Variants in CTCF observed in about 807,000 individuals in gnomAD.
The protein encoded by CTCF is CCCTC-binding factor, also known as transcriptional repressor CTCF.
CTCF carries 7 observed loss-of-function variants against 72.3 expected under a neutral mutation model. That is an observed-to-expected ratio of 0.10 (90% CI 0.06 to 0.18). The LOEUF (loss-of-function observed/expected upper bound fraction) is 0.18, where lower values mean the gene tolerates loss of function less well. Ranked by LOEUF, CTCF falls within the 10% of genes least tolerant of loss-of-function variation. The pLI is 1.00. For synonymous variants in CTCF, 374 were observed against 315.8 expected, an observed-to-expected ratio of 1.18 and a Z score of -1.95; for missense variants, 516 against 949.1, an observed-to-expected ratio of 0.54 and a Z score of 6.00.
At chr16:67,566,770 G>A (rs750284458) in intron 1 of CTCF, among the ~76,000 whole-genome samples, 3 of 151,892 alleles carry the variant, frequency 2.0e-5, no homozygotes, top group Non-Finnish European at 4.4e-5. Context: ...TAGTAGAGAC[G>A]GGGTTTCACC....
chr16:67,620,061 G>C (rs1421035061), intron 5 of CTCF, among the ~76,000 whole-genome samples: 1 of 152,174 alleles, frequency 6.6e-6, no homozygotes, highest in South Asian at 2.1e-4. Flanking sequence ...TATGTACTCA[G>C]TAACACAGGA....
At chr16:67,569,165 A>T (rs1303097954) in intron 1 of CTCF, among the ~76,000 whole-genome samples, 2 of 147,186 alleles carry the variant, frequency 1.4e-5, no homozygotes, top group South Asian at 2.2e-4. Context: ...GTTCAAATTT[A>T]GCTCTTTATT....
rs1208459112 is a variant in CTCF, at chr16:67,624,109, GTGTGTGTA to G, written c.1358-2438_1358-2431del. On this transcript the variant is annotated intron_variant, in intron 7 of 11. Coordinates refer to ENST00000264010, the MANE Select transcript of CTCF (RefSeq NM_006565.4). ...TGTGTGTGTGTGTGTGTGTGTGTGTGTGTGTGTATGTGTGTGTATATATATGTGTGTGT... is the reference window on the plus strand; with the variant it reads ...TGTGTGTGTGTGTGTGTGTGTGTGTGTGTGTGTGTATATATATGTGTGTGT... Among the ~76,000 whole-genome samples, 536 of 136,078 alleles carry G rather than the reference GTGTGTGTA, an allele frequency of 3.9e-3. 1 individual carries two copies. Among genetic ancestry groups the G allele is most frequent in the Non-Finnish European group, 6.2e-3 (400 of 64,620 alleles). 89.3% of individuals were successfully genotyped at this position (136,078 alleles called of 152,430 possible). A position where few individuals can be genotyped will look rare whatever the true frequency, so the allele number is the denominator to read the frequency against.
chr16:67,571,362 G>A (rs2051416769), intron 2 of CTCF, 98 bp downstream of exon 2: 1 of 152,526 alleles, frequency 6.6e-6, no homozygotes, highest in Non-Finnish European at 1.5e-5. Context: ...TATAGGGGAT[G>A]CAGGATATCA....
intron 1 of CTCF, among the ~76,000 whole-genome samples, chr16:67,569,687 CTT>C (rs879842564): frequency 3.5e-5 from 5 of 141,924 alleles, no homozygotes; most frequent in African/African-American, 2.6e-5. Context: ...TGCCAGTTAT[CTT>C]TTTTTTTTTT....
chr16:67,575,017 C>T (rs1029388060), intron 2 of CTCF, among the ~76,000 whole-genome samples: 10 of 152,158 alleles, frequency 6.6e-5, no homozygotes, highest in African/African-American at 9.7e-5. Flanking sequence ...TAACATATTG[C>T]TCTTAACATA....
At chr16:67,613,741 A>G (rs1012396531) in intron 4 of CTCF, among the ~76,000 whole-genome samples, 3 of 152,110 alleles carry the variant, frequency 2.0e-5, no homozygotes, top group Non-Finnish European at 2.9e-5. Flanking sequence ...GTGCCACCGT[A>G]CTCCAACCTA....
chr16:67,590,231 C>T (rs1400313387), intron 2 of CTCF, among the ~76,000 whole-genome samples: 2 of 151,938 alleles, frequency 1.3e-5, no homozygotes, highest in Non-Finnish European at 2.9e-5. Context: ...TCCTTCCCCT[C>T]CTCCCATACT....
rs986564150 is a variant in CTCF at position 67,629,334 on chromosome 16, A to G, written c.1702-64A>G. 69 of 1,484,700 alleles carry G rather than the reference A, an allele frequency of 4.6e-5. No individual in the cohort carries two copies. In the African/African-American group the frequency reaches 9.1e-4, roughly 20 times the overall value. 92.0% of individuals were successfully genotyped at this position (1,484,700 alleles called of 1,614,324 possible). ...CTTAATATGGATTTTATTAAAGTAA[A>G]TAACTTCCAATCTGATCTTAGCTTT... On this transcript the variant is annotated intron_variant, in intron 9 of 11. Transcript: ENST00000264010.
chr16:67,628,621 G>A, intron 9 of CTCF, 69 bp downstream of exon 9: 2 of 1,494,004 alleles, frequency 1.3e-6, no homozygotes, highest in Admixed American at 1.8e-5. Context: ...CCTCTGCAGA[G>A]CATGGTAGTT....
intron 2 of CTCF, among the ~76,000 whole-genome samples, chr16:67,592,643 C>T (rs755777003): frequency 1.3e-5 from 2 of 151,752 alleles, no homozygotes; most frequent in Non-Finnish European, 2.9e-5. Flanking sequence ...AGGCGGAAGT[C>T]GCAGTGAGCC....
intron 2 of CTCF, among the ~76,000 whole-genome samples, chr16:67,600,010 A>G (rs2051865818): frequency 6.6e-6 from 1 of 152,148 alleles, no homozygotes; most frequent in African/African-American, 2.4e-5. Context: ...AAGAGTACTC[A>G]GAGACGAAGG....
intron 2 of CTCF, among the ~76,000 whole-genome samples, chr16:67,583,980 G>C (rs1171754367): frequency 2.0e-5 from 3 of 152,132 alleles, no homozygotes; most frequent in Non-Finnish European, 4.4e-5. Context: ...GGAGACTTCT[G>C]TCTGATTTCT....
intron 10 of CTCF, chr16:67,635,589 A>C (rs1359844279): frequency 1.3e-5 from 2 of 151,928 alleles, no homozygotes; most frequent in Non-Finnish European, 2.9e-5. Context: ...TCCCAGGTTC[A>C]AGTGATTCTT....
Position 67,628,557 on chromosome 16 carries a change from G to T in CTCF, c.1701+5G>T. ...GGGAAAACATTTACACGTCGGGTAAGGGTCAGAACTTCACTTTGCCTGTTA... is the reference window on the plus strand; with the variant it reads ...GGGAAAACATTTACACGTCGGGTAATGGTCAGAACTTCACTTTGCCTGTTA... On this transcript the variant is annotated splice_donor_5th_base_variant and intron_variant, in intron 9 of 11. Transcript: ENST00000264010. 2 of 1,612,684 alleles carry T rather than the reference G, an allele frequency of 1.2e-6. No homozygotes were observed. Among genetic ancestry groups the T allele is most frequent in the Non-Finnish European group, 1.7e-6 (2 of 1,178,776 alleles).
At chr16:67,571,632 T>C (rs1382386352) in intron 2 of CTCF, among the ~76,000 whole-genome samples, 1 of 152,160 alleles carries the variant, frequency 6.6e-6, no homozygotes, top group South Asian at 2.1e-4. Flanking sequence ...TAGAAACCCT[T>C]GGAATGTGTA....
At chr16:67,593,803 A>G (rs2051777161) in intron 2 of CTCF, among the ~76,000 whole-genome samples, 2 of 152,184 alleles carry the variant, frequency 1.3e-5, no homozygotes, top group Admixed American at 1.3e-4. Flanking sequence ...TTTAGTTATA[A>G]AATAGACTGC....
At chr16:67,613,002 C>T (rs1259736119) in intron 4 of CTCF, among the ~76,000 whole-genome samples, 2 of 152,180 alleles carry the variant, frequency 1.3e-5, no homozygotes, top group East Asian at 3.9e-4. Flanking sequence ...TTCATAATTT[C>T]AGAATGGAAA....
chr16:67,598,167 G>A (rs9937172), intron 2 of CTCF, among the ~76,000 whole-genome samples: 6,405 of 152,016 alleles, frequency 0.042, 452 homozygotes, highest in African/African-American at 0.14. Flanking sequence ...TGTAGAGATG[G>A]TGTCCTACTG....
Sources: gnomAD v4.1 joint callset for allele counts (sites outside exome capture counted in the v4.1 genomes callset) on GRCh38, gnomAD v4.1.1 for gene constraint, MANE v1.5 for transcripts, NCBI Gene and HGNC (gene_info 2026-07-23, HGNC 2026-07-21) for gene names.